The following SPATS2 variants were observed in gnomAD, a reference collection of about 807,000 sequenced individuals.
SPATS2 encodes the protein spermatogenesis associated serine rich 2.
In SPATS2, 38 loss-of-function variants were observed where a neutral mutation model predicts 63.7. That is an observed-to-expected ratio of 0.60 (90% confidence interval 0.46 to 0.78). SPATS2 has a LOEUF of 0.78. SPATS2 is among the 30% of genes least tolerant of loss of function. The probability of loss-of-function intolerance (pLI) is 0.00; values close to 1 mark genes in which losing one functional copy is unlikely to be tolerated. For missense variants in SPATS2, 588 were observed against 666.2 expected, an observed-to-expected ratio of 0.88 and a Z score of 1.29; for synonymous variants, 207 against 232.9, an observed-to-expected ratio of 0.89 and a Z score of 1.01.
At chr12:49,523,111 A>G (rs901609838) in intron 12 of SPATS2, among the ~76,000 whole-genome samples, 3 of 152,160 alleles carry the variant, frequency 2.0e-5, no homozygotes, top group Admixed American at 1.3e-4. Flanking sequence ...TATAAAGAGC[A>G]TGGGGCCCTA....
chr12:49,453,853 A>ATTTT (rs1945669076), intron 2 of SPATS2, among the ~76,000 whole-genome samples: 4 of 109,238 alleles, frequency 3.7e-5, no homozygotes, highest in Non-Finnish European at 5.7e-5. Context: ...AGCAAATAGC[A>ATTTT]TTCTTTTTTT....
intron 2 of SPATS2, among the ~76,000 whole-genome samples, chr12:49,438,139 C>A (rs1325463870): frequency 1.1e-4 from 16 of 151,892 alleles, no homozygotes; most frequent in Admixed American, 1.0e-3. Flanking sequence ...CCAGAGGTAA[C>A]CAATATTCTA....
rs183910215 is a variant in SPATS2, at chr12:49,374,287, G to A, written c.-244+2997G>A. Among the ~76,000 whole-genome samples the A allele has an allele frequency of 5.7e-4, 87 of 152,156 alleles. No individual in the cohort carries two copies. In the South Asian group the frequency reaches 0.018, roughly 31 times the overall value. On this transcript the variant is annotated intron_variant, in intron 2 of 13. Transcript: ENST00000552918. ...AGGACTGCAGGCACACACCATGGCA[G>A]TCAGCTAGTTTTAAAATTTTTTGTA... is the stretch of plus-strand genomic sequence containing the variant.
chr12:49,523,226 A>G (rs1946971701), intron 12 of SPATS2, among the ~76,000 whole-genome samples: 1 of 152,148 alleles, frequency 6.6e-6, no homozygotes, highest in African/African-American at 2.4e-5. Flanking sequence ...TATAATCCCA[A>G]CAACTGGAAA....
At chr12:49,388,744 G>C (rs1250064580) in intron 2 of SPATS2, among the ~76,000 whole-genome samples, 3 of 151,222 alleles carry the variant, frequency 2.0e-5, no homozygotes, top group Non-Finnish European at 4.4e-5. Context: ...GCCCAGGCTG[G>C]AGTGCAGTGG....
At chr12:49,516,204 T>TATAAAAATAA (rs1555193492) in intron 10 of SPATS2, among the ~76,000 whole-genome samples, 20 of 70,730 alleles carry the variant, frequency 2.8e-4, no homozygotes, top group African/African-American at 1.0e-3. Flanking sequence ...TATATATATA[T>TATAAAAATAA]ATATAAATCA....
intron 2 of SPATS2, among the ~76,000 whole-genome samples, chr12:49,389,330 C>T (rs1248616274): frequency 6.6e-6 from 1 of 152,098 alleles, no homozygotes; most frequent in Non-Finnish European, 1.5e-5. Context: ...TGGGGCTAAA[C>T]GCTACTGGCT....
At chr12:49,432,343 G>A (rs1255521921) in intron 2 of SPATS2, among the ~76,000 whole-genome samples, 1 of 152,166 alleles carries the variant, frequency 6.6e-6, no homozygotes, top group African/African-American at 2.4e-5. Context: ...GTGGTGGCAG[G>A]CGCCTGTAGT....
chr12:49,428,589 A>G (rs1945125470), intron 2 of SPATS2, among the ~76,000 whole-genome samples: 2 of 152,206 alleles, frequency 1.3e-5, no homozygotes, highest in African/African-American at 2.4e-5. Context: ...CATCCATGTT[A>G]TAGCACCTGT....
At chr12:49,477,591 C>T (rs967817341) in intron 3 of SPATS2, among the ~76,000 whole-genome samples, 2 of 152,026 alleles carry the variant, frequency 1.3e-5, no homozygotes, top group African/African-American at 4.8e-5. Context: ...GGAGAGGATA[C>T]GTGTAGTTTG....
intron 3 of SPATS2, among the ~76,000 whole-genome samples, chr12:49,465,449 A>C (rs150116108): frequency 2.0e-3 from 304 of 152,232 alleles, no homozygotes; most frequent in African/African-American, 6.7e-3. Flanking sequence ...CCTAATGACT[A>C]ATGATGTTGA....
chr12:49,393,278 A>G (rs1944451923), intron 2 of SPATS2, among the ~76,000 whole-genome samples: 2 of 152,172 alleles, frequency 1.3e-5, no homozygotes. Context: ...TTTCATGAGT[A>G]TTGTCAACAT....
At chr12:49,459,357 T>G (rs879687552) in intron 2 of SPATS2, among the ~76,000 whole-genome samples, 8 of 151,994 alleles carry the variant, frequency 5.3e-5, no homozygotes, top group Non-Finnish European at 8.8e-5. Context: ...TATTATTTAT[T>G]TATTTTTTGA....
chr12:49,522,878 A>G, intron 12 of SPATS2, 25 bp downstream of exon 12: 1 of 1,590,178 alleles, frequency 6.3e-7, no homozygotes, highest in Non-Finnish European at 8.6e-7. Context: ...GGGTCTGGGC[A>G]CTACAGGTGG....
chr12:49,433,902 A>G (rs745548560), intron 2 of SPATS2, among the ~76,000 whole-genome samples: 3 of 152,120 alleles, frequency 2.0e-5, no homozygotes, highest in Non-Finnish European at 4.4e-5. Context: ...TAGGAGTTTC[A>G]TAGTTTTAGG....
intron 2 of SPATS2, among the ~76,000 whole-genome samples, chr12:49,435,483 G>A (rs1272197671): frequency 6.6e-6 from 1 of 151,208 alleles, no homozygotes; most frequent in African/African-American, 2.4e-5. Flanking sequence ...ACGCCAGTGC[G>A]CCTGGCTAAT....
At chr12:49,370,794 A>G (rs756101948) in intron 1 of SPATS2, among the ~76,000 whole-genome samples, 20 of 151,822 alleles carry the variant, frequency 1.3e-4, no homozygotes, top group Admixed American at 7.9e-4. Flanking sequence ...ACCTCCTCCC[A>G]CCTGCCCAGA....
At position 49,525,955 on chromosome 12, in the gene SPATS2, G is replaced by A; in HGVS notation, c.1338G>A (p.Gly446=). The change falls in exon 14 of 14, where the codon GGG becomes GGA. Residue 446 remains glycine, a synonymous_variant. Coordinates refer to ENST00000552918, the MANE Select transcript of SPATS2 (RefSeq NM_023071.4). ...TCTTTCATCTTTAGGTATTGCCAGG[G>A]AACAGACGAGGAGGACAGGGCTATA... The part of the protein sequence containing the change: ...PYQPLREVLP[G]NRRGGQGYRP... 2 of 1,613,668 alleles carry A rather than the reference G, an allele frequency of 1.2e-6. No homozygotes were observed. The highest frequency in any genetic ancestry group is 1.7e-6 in the Non-Finnish European group (2 of 1,179,682).
At chr12:49,474,633 C>A (rs1373919632) in intron 3 of SPATS2, among the ~76,000 whole-genome samples, 1 of 152,204 alleles carries the variant, frequency 6.6e-6, no homozygotes. Context: ...AATAAGAAAT[C>A]ATTTCCCATT....
Sources: gnomAD v4.1 joint callset for allele counts (sites outside exome capture counted in the v4.1 genomes callset) on GRCh38, gnomAD v4.1.1 for gene constraint, MANE v1.5 for transcripts, NCBI Gene and HGNC (gene_info 2026-07-23, HGNC 2026-07-21) for gene names.